TAFA2: variants seen among roughly 807,000 people sequenced by gnomAD.
TAFA2 encodes TAFA chemokine like family member 2.
TAFA2 carries 7 observed loss-of-function variants against 18.8 expected under a neutral mutation model. The ratio of observed to expected loss-of-function variants is 0.37; its 90% CI spans 0.21 to 0.70. The LOEUF is 0.70. TAFA2 is among the 30% of genes least tolerant of loss of function. The pLI is 0.53. For missense variants in TAFA2, 122 were observed against 158.1 expected, an observed-to-expected ratio of 0.77 and a Z score of 1.23; for synonymous variants, 60 against 54.2, an observed-to-expected ratio of 1.11 and a Z score of -0.47.
chr12:62,070,181 C>A (rs928498241), intron 1 of TAFA2, among the ~76,000 whole-genome samples: 2 of 152,070 alleles, frequency 1.3e-5, no homozygotes, highest in African/African-American at 4.8e-5. Flanking sequence ...GAATGAGGTG[C>A]AATAATAGCA....
intron 1 of TAFA2, among the ~76,000 whole-genome samples, chr12:61,913,816 T>A (rs1403046941): frequency 2.6e-5 from 4 of 152,188 alleles, no homozygotes; most frequent in Non-Finnish European, 4.4e-5. Context: ...TGAAGAAGAT[T>A]CCAGGACAGT....
intron 1 of TAFA2, among the ~76,000 whole-genome samples, chr12:62,178,912 G>A (rs1018361060): frequency 3.3e-5 from 5 of 152,100 alleles, no homozygotes; most frequent in Non-Finnish European, 7.3e-5. Flanking sequence ...TAGAGAATCA[G>A]GTTTTGAATT....
intron 1 of TAFA2, among the ~76,000 whole-genome samples, chr12:62,054,066 T>C (rs139376269): frequency 1.3e-5 from 2 of 152,292 alleles, no homozygotes; most frequent in African/African-American, 2.4e-5. Flanking sequence ...AGAAACACAC[T>C]AGAGCTCAAC....
chr12:61,718,608 A>T (rs565759989), intron 4 of TAFA2, among the ~76,000 whole-genome samples: 10 of 152,320 alleles, frequency 6.6e-5, no homozygotes, highest in Admixed American at 5.9e-4. Flanking sequence ...AAATGCCTCA[A>T]GGAAATCTTA....
chr12:61,713,416 C>T (rs188432833), intron 4 of TAFA2, among the ~76,000 whole-genome samples: 4 of 152,206 alleles, frequency 2.6e-5, no homozygotes, highest in African/African-American at 9.6e-5. Context: ...CAATTTAATT[C>T]GGCTAAAGTT....
At chr12:62,059,058 A>G (rs189076497) in intron 1 of TAFA2, among the ~76,000 whole-genome samples, 1 of 151,846 alleles carries the variant, frequency 6.6e-6, no homozygotes, top group African/African-American at 2.4e-5. Flanking sequence ...AGCCGAGATC[A>G]CGGCACTGCA....
chr12:61,954,641 G>T (rs1309702665), intron 1 of TAFA2, among the ~76,000 whole-genome samples: 1 of 152,094 alleles, frequency 6.6e-6, no homozygotes, highest in Non-Finnish European at 1.5e-5. Context: ...GGTAAGGTGG[G>T]CACAGCAGGT....
chr12:61,918,128 C>T (rs1179423994), intron 1 of TAFA2, among the ~76,000 whole-genome samples: 4 of 152,082 alleles, frequency 2.6e-5, no homozygotes, highest in Non-Finnish European at 4.4e-5. Flanking sequence ...ACAGGACATC[C>T]ATCACCTCAA....
chr12:61,860,042 G>A (rs1026993090), intron 2 of TAFA2, among the ~76,000 whole-genome samples: 2 of 152,160 alleles, frequency 1.3e-5, no homozygotes, highest in African/African-American at 4.8e-5. Flanking sequence ...CGCTAACTCA[G>A]AGTAACATAA....
At chr12:61,980,578 C>A (rs1304948152) in intron 1 of TAFA2, among the ~76,000 whole-genome samples, 16 of 152,174 alleles carry the variant, frequency 1.1e-4, no homozygotes, top group Non-Finnish European at 1.5e-5. Context: ...AGCCTAAAAT[C>A]TCCTTAAGCT....
At chr12:61,890,701 G>C (rs529474943) in intron 1 of TAFA2, among the ~76,000 whole-genome samples, 1 of 152,196 alleles carries the variant, frequency 6.6e-6, no homozygotes, top group East Asian at 1.9e-4. Context: ...CTCTTGACAG[G>C]TTAAATTTTG....
chr12:62,117,987 A>G (rs1314564884), intron 1 of TAFA2, among the ~76,000 whole-genome samples: 3 of 152,002 alleles, frequency 2.0e-5, no homozygotes, highest in Non-Finnish European at 4.4e-5. Flanking sequence ...CTATTTGGCC[A>G]TTTTTAATAA....
chr12:61,757,582 C>T (rs1869333700), intron 2 of TAFA2, among the ~76,000 whole-genome samples: 1 of 151,724 alleles, frequency 6.6e-6, no homozygotes, highest in Admixed American at 6.6e-5. Context: ...AAGCCATGGA[C>T]TGAACAAGAT....
At chr12:62,083,386 A>G (rs1868352769) in intron 1 of TAFA2, among the ~76,000 whole-genome samples, 1 of 152,098 alleles carries the variant, frequency 6.6e-6, no homozygotes, top group Non-Finnish European at 1.5e-5. Context: ...AGTTTCCAAA[A>G]AGAAGAAAAA....
intron 1 of TAFA2, among the ~76,000 whole-genome samples, chr12:62,237,878 T>C (rs2136987988): frequency 6.6e-6 from 1 of 152,152 alleles, no homozygotes; most frequent in East Asian, 1.9e-4. Context: ...GGCTAGGAGT[T>C]CATGCACAGA....
intron 1 of TAFA2, among the ~76,000 whole-genome samples, chr12:62,120,181 G>C (rs948431543): frequency 6.6e-6 from 1 of 151,994 alleles, no homozygotes; most frequent in African/African-American, 2.4e-5. Flanking sequence ...ACAAAAATTT[G>C]CTCCACAATA....
chr12:61,823,368 A>G (rs923460647), intron 2 of TAFA2, among the ~76,000 whole-genome samples: 1 of 152,032 alleles, frequency 6.6e-6, no homozygotes, highest in Admixed American at 6.6e-5. Context: ...TCAATTTTAA[A>G]TGTTGTAAAA....
At chr12:62,007,308 C>G (rs538393651) in intron 1 of TAFA2, among the ~76,000 whole-genome samples, 2 of 152,178 alleles carry the variant, frequency 1.3e-5, no homozygotes, top group Admixed American at 6.5e-5. Context: ...TTACCCTATA[C>G]GAAATCACCA....
At chr12:62,138,576 T>G (rs2062216039) in intron 1 of TAFA2, among the ~76,000 whole-genome samples, 1 of 152,198 alleles carries the variant, frequency 6.6e-6, no homozygotes, top group Admixed American at 6.5e-5. Flanking sequence ...TCACTGGCAC[T>G]CCAAGTCTTA....
Sources: allele counts gnomAD v4.1 joint callset (sites outside exome capture counted in the v4.1 genomes callset), GRCh38; gene constraint gnomAD v4.1.1; transcripts MANE v1.5; gene names NCBI Gene and HGNC (gene_info 2026-07-23, HGNC 2026-07-21).